Variants in NRSN1 observed in about 807,000 individuals in gnomAD.
NRSN1 encodes neurensin-1.
A neutral mutation model predicts 17.3 loss-of-function variants in NRSN1; 14 were observed. The observed-to-expected ratio is 0.81, with a 90% CI of 0.54 to 1.27. NRSN1 has a LOEUF of 1.27. NRSN1 is among the 50% of genes most tolerant of loss of function. The probability of loss-of-function intolerance (pLI) is 0.00; values close to 1 mark genes in which losing one functional copy is unlikely to be tolerated. For synonymous variants in NRSN1, 79 were observed against 94.2 expected, an observed-to-expected ratio of 0.84 and a Z score of 0.93; for missense variants, 209 against 235.9, an observed-to-expected ratio of 0.89 and a Z score of 0.75.
rs1491411832 is a variant in NRSN1 at position 24,134,041 on chromosome 6, T to TG, written c.-9-278_-9-277insG. ...GTGTGTGTGTGTGTGTGTGTGTGTG[T>TG]TTTTAGTAGAGACAGGGTTTCACCG... is the stretch of plus-strand genomic sequence containing the variant. On this transcript the variant is annotated intron_variant, in intron 2 of 3. Transcript: ENST00000378491. Among the ~76,000 whole-genome samples, 1,039 of 151,064 alleles carry TG rather than the reference T, an allele frequency of 6.9e-3. 30 individuals carry two copies. Among genetic ancestry groups the TG allele is most frequent in the East Asian group, 0.067 (340 of 5,086 alleles).
rs1760287657 is a variant in NRSN1, at chr6:24,145,472, G to C, written c.190-76G>C. On this transcript the variant is annotated intron_variant, in intron 3 of 3. Coordinates refer to ENST00000378491, the MANE Select transcript of NRSN1 (RefSeq NM_080723.5). This position sits in a 1 kb window ranked among gnomAD's most constrained non-coding sequence, Gnocchi z 4.4. ...ATTTCTCTCAAGAAACAAGACAAGT[G>C]CTGCCCTTGAGGGCTCAGGGGCGAG... 4.7e-6 allele frequency: 5 copies of C among 1,068,212 alleles called. No individual in the cohort carries two copies. Among genetic ancestry groups the C allele is most frequent in the Non-Finnish European group, 2.6e-6 (2 of 766,786 alleles). 66.2% of individuals were successfully genotyped at this position (1,068,212 alleles called of 1,614,324 possible).
chr6:24,127,737 A>T (rs996371418), intron 1 of NRSN1, among the ~76,000 whole-genome samples: 1 of 152,248 alleles, frequency 6.6e-6, no homozygotes, highest in East Asian at 1.9e-4. Context: ...CAAGCACCAA[A>T]AAAGATCCAT....
chr6:24,144,144 T>A (rs1234758369), intron 3 of NRSN1, among the ~76,000 whole-genome samples: 2 of 152,216 alleles, frequency 1.3e-5, no homozygotes, highest in Non-Finnish European at 2.9e-5. Flanking sequence ...AATAGCTACA[T>A]GTGAGAGGAG....
intron 3 of NRSN1, chr6:24,141,007 C>A: frequency 6.8e-7 from 1 of 1,467,956 alleles, no homozygotes; most frequent in Non-Finnish European, 9.0e-7. Flanking sequence ...GCTGCTGTTT[C>A]GGGAGTTTGT....
intron 2 of NRSN1, among the ~76,000 whole-genome samples, chr6:24,131,312 G>C (rs189892813): frequency 6.6e-6 from 1 of 152,028 alleles, no homozygotes; most frequent in African/African-American, 2.4e-5. Flanking sequence ...TATATCACAC[G>C]GTCCTTCTCT....
intron 3 of NRSN1, among the ~76,000 whole-genome samples, chr6:24,135,810 A>G (rs936121345): frequency 1.3e-5 from 2 of 152,202 alleles, no homozygotes; most frequent in Non-Finnish European, 2.9e-5. Flanking sequence ...TGGACATAGA[A>G]GAGAAGAGGG....
At position 24,126,256 on chromosome 6, in the gene NRSN1, GCGGTGGCGA is replaced by G; in HGVS notation, c.-163_-155del. 1 of 178,998 alleles carries G rather than the reference GCGGTGGCGA, an allele frequency of 5.6e-6. No homozygotes were observed. 11.1% of individuals were successfully genotyped at this position (178,998 alleles called of 1,614,324 possible). On this transcript the variant is annotated 5_prime_UTR_variant, in exon 1 of 4. Coordinates refer to ENST00000378491, the MANE Select transcript of NRSN1 (RefSeq NM_080723.5). ...CTGAGCTCTACGAGGCGGAGCGGCG[GCGGTGGCGA>G]CGGCGATGGGACCCCAGCGAGAGAT...
intron 2 of NRSN1, among the ~76,000 whole-genome samples, chr6:24,131,937 C>T (rs984104240): frequency 2.4e-4 from 36 of 152,150 alleles, no homozygotes; most frequent in African/African-American, 8.2e-4. Context: ...CAAATGTGTT[C>T]GTGTGTGGGG....
chr6:24,137,483 A>T (rs1760133684), intron 3 of NRSN1, among the ~76,000 whole-genome samples: 1 of 152,042 alleles, frequency 6.6e-6, no homozygotes, highest in Non-Finnish European at 1.5e-5. Flanking sequence ...AGGAGTTCAC[A>T]ATCAAATAGG....
In NRSN1 at chr6:24,134,354, G is replaced by A. The variant is rs771494990; in HGVS notation, c.27G>A (p.Gly9=). MSSCSNVC[G]SRQAQAAAEG... ...TGAGTTCTTGCAGCAACGTCTGTGG[G>A]TCCAGGCAGGCACAGGCTGCAGCTG... The change falls in exon 3 of 4, where the codon GGG becomes GGA. Residue 9 remains glycine, a synonymous_variant. Transcript: ENST00000378491. 1 of 1,613,970 alleles carries A rather than the reference G, an allele frequency of 6.2e-7. No homozygotes were observed. The highest frequency in any genetic ancestry group is 2.2e-5 in the East Asian group (1 of 44,886).
Position 24,146,111 on chromosome 6 carries a change from C to T in NRSN1, c.*165C>T, listed in dbSNP as rs1407049326. The T allele has an allele frequency of 2.6e-6, 2 of 781,928 alleles. No individual in the cohort carries two copies. Among genetic ancestry groups the T allele is most frequent in the Admixed American group, 3.9e-5 (2 of 50,744 alleles). 48.4% of individuals were successfully genotyped at this position (781,928 alleles called of 1,614,324 possible). ...CACTTGCTCAGTTCAGGCAGCTCTG[C>T]TGGAGGGCGGTGCCATGCCTAAGCC... On this transcript the variant is annotated 3_prime_UTR_variant, in exon 4 of 4. Transcript: ENST00000378491.
chr6:24,129,487 T>A (rs565404549), intron 2 of NRSN1: 3 of 152,198 alleles, frequency 2.0e-5, no homozygotes, highest in Admixed American at 1.3e-4. Flanking sequence ...CACTCTATCA[T>A]GTATATGGTC....
At position 24,142,212 on chromosome 6, in the gene NRSN1, T is replaced by TTTTC. The variant is rs1484150562; in HGVS notation, c.190-3334_190-3333insTCTT. The stretch of plus-strand genomic sequence containing the variant: ...ACAGCTTTTTTTTTTTTTTTTTTTT[T>TTTTC]TTCAGAAGACATCCTATTGACTCTT... On this transcript the variant is annotated intron_variant, in intron 3 of 3. Coordinates refer to ENST00000378491, the MANE Select transcript of NRSN1 (RefSeq NM_080723.5). Among the ~76,000 whole-genome samples, 136 of 134,540 alleles carry TTTTC rather than the reference T, an allele frequency of 1.0e-3. 5 individuals are homozygous for TTTTC. Among genetic ancestry groups the TTTTC allele is most frequent in the Non-Finnish European group, 1.6e-3 (98 of 60,500 alleles). The allele number at this position is 134,540 out of a possible 152,430, so 88.3% of individuals were successfully genotyped here.
chr6:24,145,685 C>T lies in NRSN1; in HGVS notation c.327C>T (p.Asn109=). The T allele has an allele frequency of 6.2e-7, 1 of 1,614,192 alleles. No homozygotes were observed. The highest frequency in any genetic ancestry group is 1.1e-5 in the South Asian group (1 of 91,074). ...VVVDTHAVQF[N]SALDMYKLAG... ...TCGACACACATGCTGTCCAGTTTAA[C>T]AGTGCTCTGGACATGTACAAGCTGG... Residue 109 remains asparagine (N), a synonymous_variant, in exon 4 of 4, where the codon AAC becomes AAT. Transcript: ENST00000378491. The surrounding 1 kb of genome is among the most constrained non-coding windows in gnomAD (Gnocchi z 4.4).
rs758914459 is a variant in NRSN1, at chr6:24,145,935, C to A, written c.577C>A (p.Leu193Met). ...CAGGGTTCAAAATGTCCAGCCTCTA[C>A]TGGCAACCTGAAACCTTTCCCACCC... is the stretch of plus-strand genomic sequence containing the variant. ...LSRVQNVQPL[L>M]AT is the part of the protein sequence containing the mutation. The change falls in exon 4 of 4, where the codon CTG (leucine) becomes ATG (methionine). Residue 193 changes from leucine (L) to methionine (M), a missense_variant. By Grantham distance (15) the Leu-to-Met change is conservative. Transcript: ENST00000378491. The surrounding 1 kb of genome is among the most constrained non-coding windows in gnomAD (Gnocchi z 4.4). The A allele has an allele frequency of 6.2e-7, 1 of 1,605,844 alleles. No homozygotes were observed. Among genetic ancestry groups the A allele is most frequent in the South Asian group, 1.1e-5 (1 of 89,660 alleles).
intron 3 of NRSN1, among the ~76,000 whole-genome samples, chr6:24,137,202 T>G (rs978135421): frequency 6.6e-6 from 1 of 152,248 alleles, no homozygotes. Context: ...GAGGCATCTT[T>G]ACAGCAGTGG....
intron 3 of NRSN1, among the ~76,000 whole-genome samples, chr6:24,135,595 G>C (rs866764336): frequency 2.6e-5 from 4 of 152,224 alleles, no homozygotes; most frequent in African/African-American, 9.6e-5. Context: ...GGGTGTTAAA[G>C]TACCCAGGCA....
rs1429641594 is a variant in NRSN1 at position 24,145,973 on chromosome 6, T to A, written c.*27T>A. 1.3e-6 allele frequency: 2 copies of A among 1,580,842 alleles called. No homozygotes were observed. The highest frequency in any genetic ancestry group is 2.2e-5 in the East Asian group (1 of 44,678). ...ACCTTTCCCACCCCAGTTCTTCTTG[T>A]CTGATTTATGCCCGTGGTTAAAAAG... On this transcript the variant is annotated 3_prime_UTR_variant, in exon 4 of 4. Coordinates refer to ENST00000378491, the MANE Select transcript of NRSN1 (RefSeq NM_080723.5). This position sits in a 1 kb window ranked among gnomAD's most constrained non-coding sequence, Gnocchi z 4.4.
intron 3 of NRSN1, among the ~76,000 whole-genome samples, chr6:24,142,903 A>G (rs546512008): frequency 6.6e-6 from 1 of 152,048 alleles, no homozygotes; most frequent in Non-Finnish European, 1.5e-5. Flanking sequence ...TTATATCCTT[A>G]TTTGGCCCCG....
Sources: gnomAD v4.1 joint callset for allele counts (sites outside exome capture counted in the v4.1 genomes callset) on GRCh38, gnomAD v4.1.1 for gene constraint, Gnocchi (gnomAD v3.1) non-coding constraint, MANE v1.5 for transcripts, NCBI Gene and HGNC (gene_info 2026-07-23, HGNC 2026-07-21) for gene names.